LIN54: variants seen among roughly 807,000 people sequenced by gnomAD.
LIN54 encodes the protein protein lin-54 homolog.
In LIN54, 9 loss-of-function variants were observed where a neutral mutation model predicts 78.7. The ratio of observed to expected loss-of-function variants is 0.11; its 90% CI spans 0.07 to 0.20. The LOEUF (loss-of-function observed/expected upper bound fraction) is 0.20, where lower values mean the gene tolerates loss of function less well. LIN54 is among the 10% of genes least tolerant of loss of function. LIN54 has a pLI of 1.00. For synonymous variants in LIN54, 269 were observed against 318.4 expected (o/e 0.84, Z 1.65); for missense variants, 573 against 889.9 (o/e 0.64, Z 4.53).
chr4:82,946,103 G>A (rs761956529), intron 5 of LIN54, among the ~76,000 whole-genome samples, 155 bp downstream of exon 5: 3 of 152,174 alleles, frequency 2.0e-5, no homozygotes, highest in South Asian at 2.1e-4. Flanking sequence ...ACAGTTATGC[G>A]CAACTATCAT....
At chr4:82,964,056 CTT>C (rs60065504) in intron 4 of LIN54, among the ~76,000 whole-genome samples, 28 of 145,586 alleles carry the variant, frequency 1.9e-4, no homozygotes, top group East Asian at 6.0e-4. Flanking sequence ...TCCCTCCCTC[CTT>C]TTTTTTTTTT....
At chr4:82,949,110 G>A (rs1433727016) in intron 4 of LIN54, among the ~76,000 whole-genome samples, 1 of 152,096 alleles carries the variant, frequency 6.6e-6, no homozygotes, top group Non-Finnish European at 1.5e-5. Flanking sequence ...CATAATGGCT[G>A]CACCAATCTA....
intron 4 of LIN54, among the ~76,000 whole-genome samples, chr4:82,949,845 C>CT (rs370091580): frequency 0.011 from 1,439 of 126,416 alleles, 28 homozygotes; most frequent in South Asian, 0.018. Context: ...TTTATTTTTG[C>CT]TTTTTTTTTT....
chr4:82,973,842 C>T (rs1258153158), intron 3 of LIN54, among the ~76,000 whole-genome samples: 4 of 152,178 alleles, frequency 2.6e-5, no homozygotes, highest in Admixed American at 2.6e-4. Flanking sequence ...CCAATAGCTC[C>T]TACTGTATCA....
intron 1 of LIN54, among the ~76,000 whole-genome samples, chr4:83,009,390 T>G (rs1729668863): frequency 6.6e-6 from 1 of 152,174 alleles, no homozygotes. Context: ...TACTAATCCT[T>G]CTGTTCATTA....
rs369180122 is a variant in LIN54, at chr4:83,006,146, G to T, written c.-33+4338C>A. On this transcript the variant is annotated intron_variant, in intron 1 of 12. Transcript: ENST00000340417. ...GGGACTACTGGGGACGTAGGGAGGG[G>T]ATCAATGGTTGAAAAACTATTGGCT... is the stretch of plus-strand genomic sequence containing the variant. Among the ~76,000 whole-genome samples the T allele has an allele frequency of 3.3e-5, 5 of 152,074 alleles. No individual in the cohort carries two copies. In the East Asian group the frequency reaches 9.6e-4, roughly 29 times the overall value.
intron 2 of LIN54, among the ~76,000 whole-genome samples, chr4:82,979,688 C>T (rs1726461514): frequency 6.6e-6 from 1 of 152,002 alleles, no homozygotes; most frequent in African/African-American, 2.4e-5. Context: ...CCTGTAATCC[C>T]AGCACTCTGG....
rs34722830 is a variant in LIN54, at chr4:83,004,398, C to CAA, written c.-33+6084_-33+6085dup. 3.2e-3 allele frequency among the ~76,000 whole-genome samples: 323 copies of CAA among 100,722 alleles called. 3 individuals are homozygous for CAA. Among genetic ancestry groups the CAA allele is most frequent in the South Asian group, 0.029 (87 of 3,040 alleles). 66.1% of individuals were successfully genotyped at this position (100,722 alleles called of 152,430 possible). On this transcript the variant is annotated intron_variant, in intron 1 of 12. Transcript: ENST00000340417. ...TGGGTGACAGAGTGAGACTCCGTTG[C>CAA]AAAAAAAAAAAAAAAAAAGAAAGAA...
At chr4:83,008,325 C>A (rs979319832) in intron 1 of LIN54, among the ~76,000 whole-genome samples, 1 of 152,100 alleles carries the variant, frequency 6.6e-6, no homozygotes, top group Non-Finnish European at 1.5e-5. Flanking sequence ...TATATGACAC[C>A]TAATAGACAC....
At chr4:82,953,794 G>GA (rs1443383403) in intron 4 of LIN54, among the ~76,000 whole-genome samples, 1 of 151,870 alleles carries the variant, frequency 6.6e-6, no homozygotes, top group Admixed American at 6.6e-5. Flanking sequence ...TACAAAAACT[G>GA]AAAAAATTAT....
intron 4 of LIN54, among the ~76,000 whole-genome samples, chr4:82,963,113 A>C (rs958460288): frequency 6.6e-6 from 1 of 152,128 alleles, no homozygotes. Context: ...AGGAAAAAAA[A>C]AGACATTATA....
chr4:83,011,354 T>A (rs541910631), upstream of LIN54, among the ~76,000 whole-genome samples: 3 of 152,242 alleles, frequency 2.0e-5, no homozygotes, highest in South Asian at 2.1e-4. Flanking sequence ...ATATCTAATT[T>A]AAAAAAATAA....
At chr4:82,944,441 A>T (rs1346605647) in intron 5 of LIN54, among the ~76,000 whole-genome samples, 1 of 152,190 alleles carries the variant, frequency 6.6e-6, no homozygotes, top group Non-Finnish European at 1.5e-5. Context: ...AAGTTTAAGT[A>T]TTGAGAGAAT....
At chr4:82,953,199 G>A (rs1423781778) in intron 4 of LIN54, among the ~76,000 whole-genome samples, 1 of 152,082 alleles carries the variant, frequency 6.6e-6, no homozygotes, top group African/African-American at 2.4e-5. Context: ...ATGTTGCCCA[G>A]GCTGATCTTG....
At chr4:82,935,881 C>T in intron 11 of LIN54, 100 bp downstream of exon 11, 1 of 1,187,620 alleles carries the variant, frequency 8.4e-7, no homozygotes, top group Non-Finnish European at 1.2e-6. Context: ...TTTCAAATTG[C>T]AATAGCAAGG....
At chr4:82,985,900 T>C (rs1425738464) in intron 1 of LIN54, among the ~76,000 whole-genome samples, 1 of 152,056 alleles carries the variant, frequency 6.6e-6, no homozygotes, top group Non-Finnish European at 1.5e-5. Context: ...CCAATCCCCA[T>C]GAAGAAAAAA....
chr4:82,978,990 C>G lies in LIN54; in HGVS notation c.701G>C (p.Arg234Pro), dbSNP rs143306361. 6.3e-7 allele frequency: 1 copy of G among 1,588,152 alleles called. No individual in the cohort carries two copies. The highest frequency in any genetic ancestry group is 8.6e-7 in the Non-Finnish European group (1 of 1,161,598). ...GATTACTGGACCAGAGGTTGGCGTT[C>G]GAGGCTTCTTAGCAATCTGAAACAT... ...LKTVQIAKKP[R>P]TPTSGPVITK... The change falls in exon 3 of 13, where the codon CGA (arginine) becomes CCA (proline). Residue 234 changes from arginine (R) to proline (P), a missense_variant. Physicochemically the swap from Arg to Pro is moderately radical, Grantham distance 103 (BLOSUM62 -2). Coordinates refer to ENST00000340417, the MANE Select transcript of LIN54 (RefSeq NM_194282.4).
In LIN54 at chr4:82,946,137, A is replaced by G. The variant is rs1723342057; in HGVS notation, c.1168+121T>C. 8 of 786,020 alleles carry G rather than the reference A, an allele frequency of 1.0e-5. No individual in the cohort carries two copies. In the South Asian group the frequency reaches 1.1e-4, roughly 11 times the overall value. The allele number at this position is 786,020 out of a possible 1,614,324, so 48.7% of individuals were successfully genotyped here. A position where few individuals can be genotyped will look rare whatever the true frequency, so the allele number is the denominator to read the frequency against. On this transcript the variant is annotated intron_variant, in intron 5 of 12. Coordinates refer to ENST00000340417, the MANE Select transcript of LIN54 (RefSeq NM_194282.4). ...ATTCTATTTCACTGCCTTCTGCACC[A>G]GTTACTGGCTCAAACTCAGTTGAAA...
chr4:82,955,417 AACAT>A (rs1309622694), intron 4 of LIN54, among the ~76,000 whole-genome samples: 2 of 151,994 alleles, frequency 1.3e-5, no homozygotes, highest in Admixed American at 6.6e-5. Flanking sequence ...AACATAACAT[AACAT>A]AATGAACAGA....
Sources: allele counts gnomAD v4.1 joint callset (sites outside exome capture counted in the v4.1 genomes callset), GRCh38; gene constraint gnomAD v4.1.1; transcripts MANE v1.5; gene names NCBI Gene and HGNC (gene_info 2026-07-23, HGNC 2026-07-21).